The following ZMYM5 variants were observed in gnomAD, a reference collection of about 807,000 sequenced individuals.
ZMYM5 encodes the protein zinc finger MYM-type containing 5.
In ZMYM5, 41 loss-of-function variants were observed where a neutral mutation model predicts 61.8. That is an observed-to-expected ratio of 0.66 (90% CI 0.52 to 0.86). The LOEUF (loss-of-function observed/expected upper bound fraction) is 0.86, where lower values mean the gene tolerates loss of function less well. ZMYM5 is among the 40% of genes least tolerant of loss of function. The pLI is 0.00. For synonymous variants in ZMYM5, 257 were observed against 276.4 expected, an observed-to-expected ratio of 0.93 and a Z score of 0.70; for missense variants, 706 against 786.7, an observed-to-expected ratio of 0.90 and a Z score of 1.23.
At chr13:19,838,596 A>G in intron 5 of ZMYM5, 104 bp downstream of exon 5, 1 of 1,413,110 alleles carries the variant, frequency 7.1e-7, no homozygotes, top group South Asian at 1.4e-5. Context: ...ACACTCCTGC[A>G]ACAATTCTAC....
intron 4 of ZMYM5, among the ~76,000 whole-genome samples, chr13:19,847,803 ATT>A (rs34176871): frequency 2.8e-4 from 22 of 79,890 alleles, no homozygotes; most frequent in African/African-American, 7.8e-4. Context: ...TGCCCGGCTA[ATT>A]TTTTTTTTTT....
intron 4 of ZMYM5, among the ~76,000 whole-genome samples, chr13:19,845,433 C>T (rs1285043205): frequency 6.6e-6 from 1 of 152,188 alleles, no homozygotes; most frequent in Non-Finnish European, 1.5e-5. Flanking sequence ...GTCACCTTCA[C>T]TTATGAATGT....
At chr13:19,857,870 C>T (rs1953568605) in intron 2 of ZMYM5, among the ~76,000 whole-genome samples, 1 of 150,980 alleles carries the variant, frequency 6.6e-6, no homozygotes, top group South Asian at 2.1e-4. Flanking sequence ...TTAAAAAGTC[C>T]AACATGGTGG....
chr13:19,852,137 G>C lies in ZMYM5; in HGVS notation c.44C>G (p.Thr15Ser), dbSNP rs759961744. The C allele has an allele frequency of 6.8e-6, 11 of 1,612,222 alleles. No homozygotes were observed. The highest frequency in any genetic ancestry group is 9.3e-6 in the Non-Finnish European group (11 of 1,179,888). The change falls in exon 3 of 8, where the codon ACT becomes AGT. Residue 15 changes from threonine to serine, a missense_variant. Around this residue, in one of 2 missense-constraint regions of ZMYM5, gnomAD observed 480 missense variants for 461.7 expected, o/e 1.04. Transcript: ENST00000337963. ...GGCCATATTCCCTAATAAAGCAGGA[G>C]TCTGTTCAGTCAACTCTAATCCTCC... ...SVGGLELTEQ[T>S]PALLGNMAMA... is the part of the protein sequence containing the mutation.
intron 2 of ZMYM5, among the ~76,000 whole-genome samples, chr13:19,855,362 A>ACGC (rs1286408019): frequency 4.0e-5 from 6 of 151,816 alleles, no homozygotes; most frequent in Admixed American, 3.9e-4. Flanking sequence ...TGCCAGGTTC[A>ACGC]CGCCATTCTC....
chr13:19,826,429 A>G (rs1380075407), intron 7 of ZMYM5, among the ~76,000 whole-genome samples: 1 of 152,036 alleles, frequency 6.6e-6, no homozygotes, highest in Non-Finnish European at 1.5e-5. Context: ...CAGCAATTCC[A>G]CTCCAAGGTA....
intron 4 of ZMYM5, chr13:19,843,368 G>GC (rs1952952605): frequency 4.6e-4 from 1 of 2,176 alleles, no homozygotes; most frequent in Non-Finnish European, 1.0e-3. Context: ...CTGCACTCCA[G>GC]CAAAAAAAAA....
chr13:19,824,666 A>G lies in ZMYM5; in HGVS notation c.1821T>C (p.Asn607=), dbSNP rs751808718. 1.1e-5 allele frequency: 14 copies of G among 1,331,080 alleles called. No homozygotes were observed. Among genetic ancestry groups the G allele is most frequent in the Non-Finnish European group, 1.4e-5 (14 of 1,004,758 alleles). 82.5% of individuals were successfully genotyped at this position (1,331,080 alleles called of 1,614,324 possible). The change falls in exon 8 of 8, where the codon AAT becomes AAC. Residue 607 remains asparagine (N), a synonymous_variant. Transcript: ENST00000337963. ...ATAAATGTTGCCAATCTTTGCACCC[A>G]TTTTCATTTTTCAGTTGATTTTTTC... ...GEGKNQLKNE[N]GCKDWQHLSH...
intron 5 of ZMYM5, among the ~76,000 whole-genome samples, chr13:19,838,292 C>T (rs1436690646): frequency 4.6e-5 from 7 of 152,238 alleles, no homozygotes; most frequent in African/African-American, 9.6e-5. Context: ...GCAGGAGAAT[C>T]GCTTGAACCT....
At chr13:19,836,615 C>T (rs1007359410) in intron 6 of ZMYM5, among the ~76,000 whole-genome samples, 1 of 152,092 alleles carries the variant, frequency 6.6e-6, no homozygotes, top group African/African-American at 2.4e-5. Flanking sequence ...CAAGGATCAA[C>T]AATTTTTAGA....
intron 4 of ZMYM5, among the ~76,000 whole-genome samples, chr13:19,845,674 T>A (rs1300051774): frequency 6.6e-6 from 1 of 152,154 alleles, no homozygotes; most frequent in African/African-American, 2.4e-5. Context: ...TTACATTTAG[T>A]TGTTTGTTGT....
intron 7 of ZMYM5, among the ~76,000 whole-genome samples, chr13:19,827,950 C>T (rs1027986218): frequency 3.9e-5 from 5 of 129,080 alleles, no homozygotes; most frequent in Admixed American, 9.7e-5. Context: ...ACCCGGGAGG[C>T]GGAGATTGCA....
Position 19,851,852 on chromosome 13 carries a change from T to G in ZMYM5, c.329A>C (p.Lys110Thr). 6.2e-7 allele frequency: 1 copy of G among 1,612,276 alleles called. No individual in the cohort carries two copies. Among genetic ancestry groups the G allele is most frequent in the Non-Finnish European group, 8.5e-7 (1 of 1,179,664 alleles). ...AACAATTGTCTCACTTATATTTCCT[T>G]TCTGAGATGCCAAATCTCTTGAAGA... is the stretch of plus-strand genomic sequence containing the variant. ...PPSSRDLASQ[K>T]GNISETIVID... The change falls in exon 3 of 8, where the codon AAA (lysine) becomes ACA (threonine). Residue 110 changes from lysine to threonine, a missense_variant. Coordinates refer to ENST00000337963, the MANE Select transcript of ZMYM5 (RefSeq NM_001142684.2).
chr13:19,858,084 C>T (rs1362497449), intron 2 of ZMYM5, among the ~76,000 whole-genome samples: 2 of 151,006 alleles, frequency 1.3e-5, no homozygotes, highest in African/African-American at 2.4e-5. Context: ...TAATCCCCAG[C>T]TACTTGGGAG....
intron 4 of ZMYM5, among the ~76,000 whole-genome samples, chr13:19,844,263 ATG>A (rs1371867412): frequency 2.6e-5 from 4 of 152,006 alleles, no homozygotes; most frequent in Admixed American, 2.6e-4. Context: ...TGAGCCGAGA[ATG>A]TGCCACTGCA....
intron 2 of ZMYM5, among the ~76,000 whole-genome samples, chr13:19,860,935 C>CGT (rs10690639): frequency 0.075 from 10,252 of 136,698 alleles, 490 homozygotes; most frequent in East Asian, 0.14. Flanking sequence ...TATATGCGCA[C>CGT]GTGTGTGTGT....
intron 3 of ZMYM5, 92 bp from the exon 4 acceptor site, chr13:19,851,540 T>C (rs1025123876): frequency 5.1e-6 from 8 of 1,557,958 alleles, no homozygotes; most frequent in African/African-American, 4.1e-5. Flanking sequence ...GTTGGTATTC[T>C]ATAGTGATGT....
At chr13:19,831,806 A>AC (rs1891236092) in intron 7 of ZMYM5, among the ~76,000 whole-genome samples, 1 of 150,762 alleles carries the variant, frequency 6.6e-6, no homozygotes, top group Non-Finnish European at 1.5e-5. Flanking sequence ...AAAAAAAAAA[A>AC]AAAAAAAACC....
intron 4 of ZMYM5, among the ~76,000 whole-genome samples, chr13:19,839,231 T>C (rs1410135645): frequency 6.6e-6 from 1 of 150,414 alleles, no homozygotes; most frequent in East Asian, 1.9e-4. Context: ...TGTAATGTGG[T>C]AGCCATCGGC....
Sources: allele counts gnomAD v4.1 joint callset (sites outside exome capture counted in the v4.1 genomes callset), GRCh38; gene constraint gnomAD v4.1.1; regional missense constraint gnomAD v4.1.1; transcripts MANE v1.5; gene names NCBI Gene and HGNC (gene_info 2026-07-23, HGNC 2026-07-21).